The following ZSCAN25 variants were observed in gnomAD, a reference collection of about 807,000 sequenced individuals.
ZSCAN25 encodes the protein zinc finger and SCAN domain containing 25, also known as zinc finger and SCAN domain-containing protein 25.
ZSCAN25 carries 27 observed loss-of-function variants against 38.7 expected under a neutral mutation model. That is an observed-to-expected ratio of 0.70 (90% CI 0.51 to 0.96). The LOEUF (loss-of-function observed/expected upper bound fraction) is 0.96, where lower values mean the gene tolerates loss of function less well. Ranked by LOEUF, ZSCAN25 falls within the 40% of genes least tolerant of loss-of-function variation. The pLI, the probability that ZSCAN25 is intolerant of heterozygous loss-of-function variation, is 0.00. For missense variants in ZSCAN25, 637 were observed against 705.9 expected, an observed-to-expected ratio of 0.90 and a Z score of 1.11; for synonymous variants, 273 against 277.7, an observed-to-expected ratio of 0.98 and a Z score of 0.17.
the ZSCAN25 span, among the ~76,000 whole-genome samples, chr7:99,718,135 G>A: frequency 0.014 from 2,189 of 152,156 alleles, 47 homozygotes; most frequent in African/African-American, 0.05. Flanking sequence ...GGTGGGGAGA[G>A]GGGGGAAGGA....
chr7:99,657,326 T>TC, the ZSCAN25 span, among the ~76,000 whole-genome samples: 3 of 152,224 alleles, frequency 2.0e-5, no homozygotes, highest in African/African-American at 7.2e-5. Context: ...ATTTCTGCCT[T>TC]CATTTCGTTA....
chr7:99,647,211 C>G, the ZSCAN25 span, among the ~76,000 whole-genome samples: 5 of 152,192 alleles, frequency 3.3e-5, no homozygotes, highest in Non-Finnish European at 7.3e-5. Flanking sequence ...GTGTGGACCC[C>G]TTCTCTGATT....
chr7:99,655,146 C>G, the ZSCAN25 span, among the ~76,000 whole-genome samples: 3 of 152,298 alleles, frequency 2.0e-5, no homozygotes, highest in African/African-American at 7.2e-5. Context: ...GACATGAAGT[C>G]CTTGCCCATG....
the ZSCAN25 span, chr7:99,695,614 A>G: frequency 1.3e-6 from 1 of 749,876 alleles, no homozygotes; most frequent in South Asian, 1.7e-5. Flanking sequence ...CATGCTCTGG[A>G]TGATGCCTAT....
chr7:99,701,190 G>T, the ZSCAN25 span, among the ~76,000 whole-genome samples: 1 of 152,170 alleles, frequency 6.6e-6, no homozygotes, highest in Non-Finnish European at 1.5e-5. Flanking sequence ...ACAAATAAGT[G>T]AGAACATGCA....
rs746834356 is a variant in ZSCAN25 at position 99,629,910 on chromosome 7, A to G, written c.1525A>G (p.Thr509Ala). 4.3e-6 allele frequency: 7 copies of G among 1,614,190 alleles called. No homozygotes were observed. The Admixed American group carries it at 1.0e-4, about 23-fold the overall frequency. ...GCTGGTCCGACACCAGAGAATCCATACAGGGGAGAAGCCCTACCACTGTCC... is the reference window on the plus strand; with the variant it reads ...GCTGGTCCGACACCAGAGAATCCATGCAGGGGAGAAGCCCTACCACTGTCC... ...ERLVRHQRIH[T>A]GEKPYHCPAC... is the part of the protein sequence containing the mutation. Residue 509 changes from threonine (T) to alanine (A), a missense_variant, in exon 8 of 8, where the codon ACA (threonine) becomes GCA (alanine). Thr to Ala is a moderately conservative substitution (Grantham distance 58). Transcript: ENST00000394152. This position sits in a 1 kb window ranked among gnomAD's most constrained non-coding sequence, Gnocchi z 5.6.
chr7:99,629,116 T>C lies in ZSCAN25; in HGVS notation c.806-75T>C. 1 of 1,509,992 alleles carries C rather than the reference T, an allele frequency of 6.6e-7. No homozygotes were observed. The highest frequency in any genetic ancestry group is 2.3e-5 in the East Asian group (1 of 43,546). The allele number at this position is 1,509,992 out of a possible 1,614,324, so 93.5% of individuals were successfully genotyped here. ...GAGAAGGAACCATGAATGGGACCCC[T>C]GTGAAGCAGAGTTCTAACATGTAAA... On this transcript the variant is annotated intron_variant, in intron 7 of 7. Transcript: ENST00000394152. The surrounding 1 kb of genome is among the most constrained non-coding windows in gnomAD (Gnocchi z 5.6).
chr7:99,722,353 G>A, the ZSCAN25 span: 3 of 1,613,254 alleles, frequency 1.9e-6, no homozygotes, highest in African/African-American at 1.3e-5. Context: ...ATAGCCCTGG[G>A]AGGAGAAACA....
the ZSCAN25 span, among the ~76,000 whole-genome samples, chr7:99,641,191 G>A: frequency 6.6e-6 from 1 of 152,136 alleles, no homozygotes; most frequent in Non-Finnish European, 1.5e-5. Context: ...AGGTTTAATT[G>A]ACTCAGTTCC....
intron 6 of ZSCAN25, 146 bp from the exon 7 acceptor site, chr7:99,623,911 C>T: frequency 1.7e-6 from 2 of 1,143,150 alleles, no homozygotes; most frequent in Non-Finnish European, 1.2e-6. Flanking sequence ...CACAGAGGCT[C>T]ACAACTGCAG....
the ZSCAN25 span, among the ~76,000 whole-genome samples, chr7:99,645,743 A>G: frequency 6.6e-6 from 1 of 152,052 alleles, no homozygotes; most frequent in African/African-American, 2.4e-5. Flanking sequence ...TGTCGTCCAC[A>G]TGTATGTCTT....
chr7:99,685,590 T>C, the ZSCAN25 span, among the ~76,000 whole-genome samples: 1 of 152,346 alleles, frequency 6.6e-6, no homozygotes, highest in Non-Finnish European at 1.5e-5. Flanking sequence ...TTGTGATAGT[T>C]GTGTTATCAG....
the ZSCAN25 span, chr7:99,663,622 G>A: frequency 3.0e-6 from 3 of 1,001,814 alleles, no homozygotes; most frequent in Non-Finnish European, 3.6e-6. Flanking sequence ...ACCAATCTGT[G>A]ATATGAGGAA....
At chr7:99,668,513 A>G in the ZSCAN25 span, among the ~76,000 whole-genome samples, 1 of 152,174 alleles carries the variant, frequency 6.6e-6, no homozygotes, top group Admixed American at 6.5e-5. Context: ...TAATTTGACT[A>G]TGTGATTCTC....
At chr7:99,671,005 A>G in the ZSCAN25 span, 1 of 152,174 alleles carries the variant, frequency 6.6e-6, no homozygotes, top group East Asian at 1.9e-4. Flanking sequence ...AACCTGTTCA[A>G]TGATTTTGAA....
Position 99,631,385 on chromosome 7 carries a change from G to A in ZSCAN25, c.*1365G>A, listed in dbSNP as rs1186971906. 22 of 985,232 alleles carry A rather than the reference G, an allele frequency of 2.2e-5. No homozygotes were observed. The highest frequency in any genetic ancestry group is 2.7e-5 in the Non-Finnish European group (22 of 829,888). 61.0% of individuals were successfully genotyped at this position (985,232 alleles called of 1,614,324 possible). A position where few individuals can be genotyped will look rare whatever the true frequency, so the allele number is the denominator to read the frequency against. ...AAATACATTTCTTTAAAAATGAGAA[G>A]ATGCAATATTTGTAAACTGTTGAAG... On this transcript the variant is annotated 3_prime_UTR_variant, in exon 8 of 8. Transcript: ENST00000394152.
the ZSCAN25 span, among the ~76,000 whole-genome samples, chr7:99,669,983 A>G: frequency 6.6e-6 from 1 of 152,208 alleles, no homozygotes; most frequent in African/African-American, 2.4e-5. Context: ...CACAAGCTTT[A>G]AAAGTAGATA....
chr7:99,619,628 A>T lies in ZSCAN25; in HGVS notation c.22A>T (p.Met8Leu). The T allele has an allele frequency of 6.2e-7, 1 of 1,613,728 alleles. No homozygotes were observed. The highest frequency in any genetic ancestry group is 1.6e-4 in the Middle Eastern group (1 of 6,062). ...GAAGATGCTTAAAGAGCATCCAGAG[A>T]TGGCGGAAGCTCCTCAGCAGCAGTT... MLKEHPE[M>L]AEAPQQQLGI... The change falls in exon 4 of 8, where the codon ATG becomes TTG. Residue 8 changes from methionine to leucine, a missense_variant. Met to Leu is a conservative substitution (Grantham distance 15). Coordinates refer to ENST00000394152, the MANE Select transcript of ZSCAN25 (RefSeq NM_145115.3).
At chr7:99,677,498 G>A in the ZSCAN25 span, among the ~76,000 whole-genome samples, 11 of 152,320 alleles carry the variant, frequency 7.2e-5, no homozygotes, top group Middle Eastern at 3.4e-3. Flanking sequence ...AAAACGTCCC[G>A]GAGAGTTGTA....
Sources: gnomAD v4.1 joint callset for allele counts (sites outside exome capture counted in the v4.1 genomes callset) on GRCh38, gnomAD v4.1.1 for gene constraint, Gnocchi (gnomAD v3.1) non-coding constraint, MANE v1.5 for transcripts, NCBI Gene and HGNC (gene_info 2026-07-23, HGNC 2026-07-21) for gene names.